Variants in TPD52 observed in about 807,000 individuals in gnomAD.
TPD52 encodes tumor protein D52.
In TPD52, 17 loss-of-function variants were observed where a neutral mutation model predicts 31.3. The observed-to-expected ratio is 0.54, with a 90% CI of 0.37 to 0.82. TPD52 has a LOEUF of 0.82. Among genes scored for constraint, TPD52 ranks in the 40% least tolerant of loss-of-function variants. TPD52 has a pLI of 0.00. For missense variants in TPD52, 212 were observed against 240.1 expected (o/e 0.88, Z 0.77); for synonymous variants, 83 against 89.6 (o/e 0.93, Z 0.42).
At position 80,045,527 on chromosome 8, in the gene TPD52, G is replaced by T. The variant is rs146093629; in HGVS notation, c.414-1319C>A. Among the ~76,000 whole-genome samples the T allele has an allele frequency of 2.3e-3, 356 of 152,334 alleles. 1 individual carries two copies. The highest frequency in any genetic ancestry group is 8.3e-3 in the African/African-American group (344 of 41,582). ...ACACTAAGCTGCTGGACACTTAGAT[G>T]TTGAAGAGGATCTGGTGGGACCAGG... On this transcript the variant is annotated intron_variant, in intron 5 of 7. Coordinates refer to ENST00000518937, the MANE Select transcript of TPD52 (RefSeq NM_001025253.3).
chr8:80,120,552 G>A (rs554571065), intron 1 of TPD52, among the ~76,000 whole-genome samples: 13 of 152,264 alleles, frequency 8.5e-5, no homozygotes, highest in African/African-American at 2.9e-4. Context: ...AAAAGCTATC[G>A]ATGGGACTAA....
At chr8:80,133,848 T>A (rs1245247416) in intron 1 of TPD52, among the ~76,000 whole-genome samples, 2 of 151,894 alleles carry the variant, frequency 1.3e-5, no homozygotes, top group Non-Finnish European at 2.9e-5. Context: ...GGGAGGATAT[T>A]CAAAACACCC....
chr8:80,073,331 C>T (rs1485764054), intron 1 of TPD52, among the ~76,000 whole-genome samples: 1 of 152,166 alleles, frequency 6.6e-6, no homozygotes, highest in Non-Finnish European at 1.5e-5. Context: ...CACTATTTTT[C>T]GTGTGTCTTT....
At chr8:80,051,874 A>G (rs1354602164) in intron 3 of TPD52, 1 of 395,324 alleles carries the variant, frequency 2.5e-6, no homozygotes, top group East Asian at 3.9e-5. Context: ...AGTCCTATAA[A>G]GGCAGGGCCA....
intron 2 of TPD52, among the ~76,000 whole-genome samples, chr8:80,059,479 A>G (rs1399923300): frequency 6.6e-6 from 1 of 152,182 alleles, no homozygotes; most frequent in Non-Finnish European, 1.5e-5. Context: ...GATAAAATGG[A>G]CAAGAGGAAA....
chr8:80,110,668 T>C (rs988625964), intron 1 of TPD52, among the ~76,000 whole-genome samples: 2 of 151,200 alleles, frequency 1.3e-5, no homozygotes, highest in Middle Eastern at 3.2e-3. Context: ...GTAGCTCTTG[T>C]CACTTTAAAT....
At chr8:80,054,925 G>A (rs956901790) in intron 2 of TPD52, among the ~76,000 whole-genome samples, 2 of 151,840 alleles carry the variant, frequency 1.3e-5, no homozygotes, top group Non-Finnish European at 2.9e-5. Flanking sequence ...GAGAAGAAAA[G>A]GACAAAAAAA....
chr8:80,080,280 C>A, intron 1 of TPD52: 1 of 1,598,926 alleles, frequency 6.3e-7, no homozygotes, highest in Non-Finnish European at 8.6e-7. Context: ...AGGTTTTATT[C>A]CAAGCAAACT....
At chr8:80,128,969 T>C (rs1323367556) in intron 1 of TPD52, among the ~76,000 whole-genome samples, 2 of 152,038 alleles carry the variant, frequency 1.3e-5, no homozygotes, top group Non-Finnish European at 2.9e-5. Flanking sequence ...TACAAAAATA[T>C]AAATTACAAG....
intron 1 of TPD52, among the ~76,000 whole-genome samples, chr8:80,106,890 T>G (rs1273712752): frequency 6.6e-6 from 1 of 151,540 alleles, no homozygotes; most frequent in Non-Finnish European, 1.5e-5. Flanking sequence ...TTCGCTCTGT[T>G]GCCCAGGCTG....
intron 1 of TPD52, among the ~76,000 whole-genome samples, chr8:80,068,915 G>A (rs1813453654): frequency 6.6e-6 from 1 of 152,182 alleles, no homozygotes; most frequent in South Asian, 2.1e-4. Context: ...TTCAAAATTT[G>A]CAAAATGGCT....
intron 3 of TPD52, among the ~76,000 whole-genome samples, chr8:80,052,190 T>A (rs1253533891): frequency 1.3e-5 from 2 of 152,198 alleles, no homozygotes; most frequent in African/African-American, 4.8e-5. Flanking sequence ...TTCAACAAAG[T>A]ATGTAAAATA....
At chr8:80,094,482 A>ATG (rs1816575004) in intron 1 of TPD52, among the ~76,000 whole-genome samples, 23 of 104,956 alleles carry the variant, frequency 2.2e-4, no homozygotes, top group Admixed American at 5.4e-4. Context: ...ATATATATAT[A>ATG]TATGTATGTA....
intron 1 of TPD52, among the ~76,000 whole-genome samples, chr8:80,089,542 A>T (rs1586275983): frequency 6.6e-6 from 1 of 152,138 alleles, no homozygotes. Context: ...GGAAACCCAG[A>T]GATCGTCAAA....
At chr8:80,080,176 C>A (rs1815087561) in intron 1 of TPD52, 2 of 663,240 alleles carry the variant, frequency 3.0e-6, no homozygotes, top group Non-Finnish European at 5.2e-6. Flanking sequence ...TACTTTGAAT[C>A]TAGAATAGCT....
At chr8:80,054,192 T>G (rs891074360) in intron 2 of TPD52, among the ~76,000 whole-genome samples, 1 of 152,094 alleles carries the variant, frequency 6.6e-6, no homozygotes. Flanking sequence ...GTTTGAGAAG[T>G]GAGATGACAT....
At chr8:80,052,593 C>T (rs1254394473) in intron 3 of TPD52, 3 of 1,284,546 alleles carry the variant, frequency 2.3e-6, no homozygotes, top group South Asian at 2.5e-5. Context: ...TGTAAAACAA[C>T]TTCTGTGCTC....
chr8:80,152,775 C>T (rs1367202428), intron 1 of TPD52, among the ~76,000 whole-genome samples: 2 of 24,104 alleles, frequency 8.3e-5, no homozygotes, highest in African/African-American at 1.2e-3. Flanking sequence ...TGTGAGACTC[C>T]GTCTCAAAAA....
chr8:80,118,115 T>C (rs944399040), intron 1 of TPD52, among the ~76,000 whole-genome samples: 5 of 152,106 alleles, frequency 3.3e-5, no homozygotes, highest in Admixed American at 1.3e-4. Context: ...AATAGACATA[T>C]AGGTCAATGG....
Sources: allele counts gnomAD v4.1 joint callset (sites outside exome capture counted in the v4.1 genomes callset), GRCh38; gene constraint gnomAD v4.1.1; transcripts MANE v1.5; gene names NCBI Gene and HGNC (gene_info 2026-07-23, HGNC 2026-07-21).